Variants in EIF2D observed in about 807,000 individuals in gnomAD.
EIF2D encodes the protein hepatocellular carcinoma-associated antigen 56.
EIF2D carries 56 observed loss-of-function variants against 77.4 expected under a neutral mutation model. That is an observed-to-expected ratio of 0.72 (90% CI 0.58 to 0.90). The LOEUF (loss-of-function observed/expected upper bound fraction) is 0.90, where lower values mean the gene tolerates loss of function less well. Ranked by LOEUF, EIF2D falls within the 40% of genes least tolerant of loss-of-function variation. EIF2D has a pLI of 0.00. For missense variants in EIF2D, 574 were observed against 706.5 expected, an observed-to-expected ratio of 0.81 and a Z score of 2.13; for synonymous variants, 230 against 271.0, an observed-to-expected ratio of 0.85 and a Z score of 1.49.
chr1:206,593,741 GC>G lies in EIF2D; in HGVS notation c.1561del (p.Ala521LeufsTer54), dbSNP rs1553409499. ...CTGGCATCGCTGCTGAAGGATGGCA[GC>G]CACTGAGTATGGGTCCAGACCATAG... ...EAYGLDPYSV[A>X]AILQQRCQAS... On this transcript the variant is annotated frameshift_variant, in exon 14 of 15. Transcript: ENST00000271764. LOFTEE classifies it high-confidence loss of function. 4 of 1,613,794 alleles carry G rather than the reference GC, an allele frequency of 2.5e-6. No homozygotes were observed. Among genetic ancestry groups the G allele is most frequent in the Non-Finnish European group, 3.4e-6 (4 of 1,179,900 alleles).
At chr1:206,601,673 G>C (rs1434611442) in intron 7 of EIF2D, 1 of 152,206 alleles carries the variant, frequency 6.6e-6, no homozygotes, top group Non-Finnish European at 1.5e-5. Context: ...TATGGTTCAG[G>C]CTATGTAATC....
intron 7 of EIF2D, chr1:206,600,510 C>G (rs1669877566): frequency 1.9e-6 from 1 of 528,732 alleles, no homozygotes; most frequent in Non-Finnish European, 3.4e-6. Flanking sequence ...TTCAAGAGAA[C>G]TTTCCATAGA....
chr1:206,588,606 T>C (rs11589), downstream of EIF2D: 43,195 of 152,272 alleles, frequency 0.28, 6,196 homozygotes, highest in Middle Eastern at 0.42. Context: ...GTTCCCTCTC[T>C]GACCCAGGCT....
At position 206,584,790 on chromosome 1, in the gene EIF2D, G is replaced by GGTGCTCAGGAGA; in HGVS notation, c.139-3629_139-3628insTCTCCTGAGCAC. Reference sequence around the variant, plus strand: ...TGGGTGGGAGCTGTGGGCTTCTCCTGAGCACCAGGGGTCCAGCTGCCCATG... The same window carrying GGTGCTCAGGAGA: ...TGGGTGGGAGCTGTGGGCTTCTCCTGGTGCTCAGGAGAAGCACCAGGGGTCCAGCTGCCCATG... On this transcript the variant is annotated intron_variant and NMD_transcript_variant, in intron 2 of 5. Coordinates refer to the EIF2D transcript ENST00000472709. The surrounding 1 kb of genome is among the most constrained non-coding windows in gnomAD (Gnocchi z 4.9). 8.2e-7 allele frequency: 1 copy of GGTGCTCAGGAGA among 1,216,438 alleles called. No individual in the cohort carries two copies. The highest frequency in any genetic ancestry group is 1.2e-6 in the Non-Finnish European group (1 of 857,938). The allele number at this position is 1,216,438 out of a possible 1,614,324, so 75.4% of individuals were successfully genotyped here. A position where few individuals can be genotyped will look rare whatever the true frequency, so the allele number is the denominator to read the frequency against.
downstream of EIF2D, chr1:206,587,613 TGCCCTG>T: frequency 6.4e-6 from 1 of 155,454 alleles, no homozygotes; most frequent in Middle Eastern, 3.3e-3. Context: ...AGCTGCAGCC[TGCCCTG>T]GCCCTGGCTC....
chr1:206,583,264 T>A (rs1553406747), intron 2 of EIF2D: 2 of 1,601,120 alleles, frequency 1.2e-6, no homozygotes, highest in Non-Finnish European at 1.7e-6. Flanking sequence ...CTGTGTCTCT[T>A]CCAGAATGTC....
intron 13 of EIF2D, chr1:206,594,068 A>G (rs1386369582): frequency 1.2e-5 from 3 of 255,910 alleles, no homozygotes; most frequent in Non-Finnish European, 2.2e-5. Context: ...TTATTTGGAG[A>G]ATTCAAAACA....
At chr1:206,578,963 C>A (rs899502908) in intron 4 of EIF2D, among the ~76,000 whole-genome samples, 1 of 152,110 alleles carries the variant, frequency 6.6e-6, no homozygotes, top group African/African-American at 2.4e-5. Context: ...AGGCCCCAGA[C>A]GAAAGGGGTA....
At chr1:206,602,520 C>A (rs782084354) in intron 6 of EIF2D, 67 bp from the exon 7 acceptor site, 19 of 1,391,048 alleles carry the variant, frequency 1.4e-5, no homozygotes, top group Non-Finnish European at 1.4e-5. Context: ...AAGAAAACGA[C>A]CCCCAGCTTC....
intron 4 of EIF2D, among the ~76,000 whole-genome samples, chr1:206,607,827 C>G (rs1670273570): frequency 6.6e-6 from 1 of 152,024 alleles, no homozygotes; most frequent in Admixed American, 6.5e-5. Flanking sequence ...TGAATAAAGT[C>G]TGTAGTTTAG....
Position 206,612,456 on chromosome 1 carries a change from C to T in EIF2D, c.-114G>A, listed in dbSNP as rs568716523. On this transcript the variant is annotated 5_prime_UTR_variant, in exon 1 of 15. Transcript: ENST00000271764. The stretch of plus-strand genomic sequence containing the variant: ...GGGGGCAGCCATGCTGGGGCCCGGC[C>T]GCGAAAAGGGCCCGGCTGGAAACCA... The T allele has an allele frequency of 7.2e-7, 1 of 1,391,262 alleles. No individual in the cohort carries two copies. Among genetic ancestry groups the T allele is most frequent in the Non-Finnish European group, 1.0e-6 (1 of 990,466 alleles). 86.2% of individuals were successfully genotyped at this position (1,391,262 alleles called of 1,614,324 possible).
intron 4 of EIF2D, among the ~76,000 whole-genome samples, chr1:206,578,494 A>C (rs1202768861): frequency 1.3e-5 from 2 of 152,182 alleles, no homozygotes; most frequent in Non-Finnish European, 2.9e-5. Context: ...GGCTGGAGTG[A>C]TCAGGAAGAG....
chr1:206,585,208 C>T (rs782650404), intron 2 of EIF2D: 1 of 1,614,016 alleles, frequency 6.2e-7, no homozygotes, highest in African/African-American at 1.3e-5. Flanking sequence ...CCATTGCTGA[C>T]CGCCCCCTCT....
chr1:206,609,676 G>A (rs1286753258), intron 2 of EIF2D, among the ~76,000 whole-genome samples: 4 of 152,190 alleles, frequency 2.6e-5, no homozygotes, highest in African/African-American at 4.8e-5. Flanking sequence ...GGAGGCATCC[G>A]GATTGCAGCA....
chr1:206,570,838 G>A (rs536639271), downstream of EIF2D, among the ~76,000 whole-genome samples: 2 of 152,054 alleles, frequency 1.3e-5, no homozygotes, highest in Admixed American at 6.6e-5. Flanking sequence ...ATGGACCCTT[G>A]GGTTGCTTCC....
chr1:206,595,958 C>T (rs1669626115), intron 12 of EIF2D, 120 bp from the exon 13 acceptor site: 4 of 1,331,460 alleles, frequency 3.0e-6, no homozygotes, highest in Admixed American at 2.1e-5. Context: ...CTTGGCTGCA[C>T]ATTAGAATCA....
At chr1:206,603,382 A>C in intron 5 of EIF2D, 178 bp from the exon 6 acceptor site, 3 of 722,282 alleles carry the variant, frequency 4.2e-6, no homozygotes, top group East Asian at 2.8e-5. Context: ...GGGCCCCTAA[A>C]AGTTCCATGC....
intron 2 of EIF2D, chr1:206,585,361 G>T (rs552187846): frequency 1.7e-6 from 2 of 1,158,204 alleles, no homozygotes; most frequent in East Asian, 4.7e-5. Context: ...GGTGGGTGTT[G>T]TCCTAACTAC....
chr1:206,574,796 G>A (rs1476883149), intron 4 of EIF2D, among the ~76,000 whole-genome samples: 3 of 151,658 alleles, frequency 2.0e-5, no homozygotes, highest in Admixed American at 2.0e-4. Context: ...CTGCAGTAAG[G>A]CCCCATAGGG....
Sources: gnomAD v4.1 joint callset for allele counts (sites outside exome capture counted in the v4.1 genomes callset) on GRCh38, gnomAD v4.1.1 for gene constraint, Gnocchi (gnomAD v3.1) non-coding constraint, MANE v1.5 for transcripts, NCBI Gene and HGNC (gene_info 2026-07-23, HGNC 2026-07-21) for gene names.